Variants in HIPK3 observed in about 807,000 individuals in gnomAD.
HIPK3 encodes the protein homeodomain interacting protein kinase 3.
Under a neutral mutation model 124.2 loss-of-function variants are expected in HIPK3, and 47 were observed. The observed-to-expected ratio is 0.38, with a 90% CI of 0.30 to 0.48. The LOEUF is 0.48. Among genes scored for constraint, HIPK3 ranks in the 20% least tolerant of loss-of-function variants. The pLI, the probability that HIPK3 is intolerant of heterozygous loss-of-function variation, is 0.98. For missense variants in HIPK3, 1,286 were observed against 1,454.3 expected (o/e 0.88, Z 1.88); for synonymous variants, 482 against 515.2 (o/e 0.94, Z 0.87).
chr11:33,328,775 G>A (rs1362106028), intron 3 of HIPK3, 142 bp downstream of exon 3: 8 of 655,926 alleles, frequency 1.2e-5, no homozygotes, highest in Non-Finnish European at 1.9e-5. Flanking sequence ...TTGTAGAATT[G>A]ATTTTGAAAA....
chr11:33,348,122 G>T (rs1387904376), intron 11 of HIPK3, 44 bp from the exon 12 acceptor site: 1 of 1,608,964 alleles, frequency 6.2e-7, no homozygotes, highest in Non-Finnish European at 8.5e-7. Flanking sequence ...CTCTTTTATA[G>T]CTTTGTTACA....
In HIPK3 at chr11:33,338,814, A is replaced by G. The variant is rs533124606; in HGVS notation, c.1399A>G (p.Ile467Val). Reference protein sequence around the residue: ...GMKSKEARKYIFNSLDDVAHV... With the variant: ...GMKSKEARKYVFNSLDDVAHV... ...GAAGTCTAAAGAAGCCAGAAAATAC[A>G]TTTTCAACAGTCTGGATGATGTAGC... The change falls in exon 5 of 17, where the codon ATT (isoleucine) becomes GTT (valine). Residue 467 changes from isoleucine to valine, a missense_variant. Physicochemically the swap from Ile to Val is conservative, Grantham distance 29 (BLOSUM62 3). This residue lies in a region of HIPK3 where 251 missense variants were observed against 349.1 expected (regional missense o/e 0.72). Coordinates refer to ENST00000303296, the MANE Select transcript of HIPK3 (RefSeq NM_005734.5). 49 of 1,612,890 alleles carry G rather than the reference A, an allele frequency of 3.0e-5. 1 individual carries two copies. In the South Asian group the frequency reaches 5.2e-4, roughly 17 times the overall value.
At chr11:33,302,922 A>G (rs1480200658) in intron 2 of HIPK3, among the ~76,000 whole-genome samples, 2 of 152,208 alleles carry the variant, frequency 1.3e-5, no homozygotes. Flanking sequence ...AAAGAATACT[A>G]GTTAGGCATA....
intron 2 of HIPK3, among the ~76,000 whole-genome samples, chr11:33,298,739 G>T (rs1021802496): frequency 9.9e-5 from 15 of 152,228 alleles, no homozygotes; most frequent in Non-Finnish European, 1.5e-5. Flanking sequence ...AATAGCAAGA[G>T]AACTATTAGT....
intron 1 of HIPK3, among the ~76,000 whole-genome samples, chr11:33,267,270 G>A (rs1014166786): frequency 3.3e-5 from 5 of 151,412 alleles, no homozygotes; most frequent in Admixed American, 6.6e-5. Context: ...CTGCCACCAC[G>A]CCCGGCTAAT....
At chr11:33,302,503 A>C (rs190874151) in intron 2 of HIPK3, among the ~76,000 whole-genome samples, 4 of 152,006 alleles carry the variant, frequency 2.6e-5, no homozygotes, top group Non-Finnish European at 4.4e-5. Flanking sequence ...CACCTGGCTA[A>C]TTTTTGTATT....
chr11:33,351,954 C>T lies in HIPK3; in HGVS notation c.3043+111C>T, dbSNP rs1787733289. The T allele has an allele frequency of 3.8e-6, 4 of 1,044,468 alleles. No individual in the cohort carries two copies. The South Asian group carries it at 4.5e-5, about 12-fold the overall frequency. 64.7% of individuals were successfully genotyped at this position (1,044,468 alleles called of 1,614,324 possible). On this transcript the variant is annotated intron_variant, in intron 15 of 16. Transcript: ENST00000303296. ...TCTCTGAATTTTGACTTGACCCTGCCTTATGTATTGTACAGAGGAAATCTT... is the reference window on the plus strand; with the variant it reads ...TCTCTGAATTTTGACTTGACCCTGCTTTATGTATTGTACAGAGGAAATCTT...
intron 2 of HIPK3, among the ~76,000 whole-genome samples, chr11:33,322,129 A>G (rs1852681959): frequency 6.6e-6 from 1 of 152,092 alleles, no homozygotes; most frequent in African/African-American, 2.4e-5. Flanking sequence ...CCTCCCGAGT[A>G]GCTGGGACTA....
chr11:33,305,667 G>C (rs1852135566), intron 2 of HIPK3, among the ~76,000 whole-genome samples: 4 of 152,040 alleles, frequency 2.6e-5, no homozygotes, highest in Admixed American at 2.6e-4. Context: ...CCTTCTCCAA[G>C]GATTTTCTCT....
chr11:33,288,905 A>G (rs1411071944), intron 2 of HIPK3, among the ~76,000 whole-genome samples: 2 of 152,198 alleles, frequency 1.3e-5, no homozygotes, highest in South Asian at 2.1e-4. Flanking sequence ...CATGCAGTTT[A>G]TTGTTAGAAA....
intron 3 of HIPK3, among the ~76,000 whole-genome samples, chr11:33,332,782 C>T (rs1853025888): frequency 6.6e-6 from 1 of 152,010 alleles, no homozygotes; most frequent in South Asian, 2.1e-4. Flanking sequence ...TGTATTAGGC[C>T]ATTTGCATTG....
Position 33,264,159 on chromosome 11 carries a change from C to CT in HIPK3, c.-3+6282dup, listed in dbSNP as rs879609930. ...GCATTTTCTTCGCTGCTAACCTTGT[C>CT]TTTTTTTTTTTTAAACAAAAAGGTC... On this transcript the variant is annotated intron_variant, in intron 1 of 16. Coordinates refer to ENST00000303296, the MANE Select transcript of HIPK3 (RefSeq NM_005734.5). Among the ~76,000 whole-genome samples the CT allele has an allele frequency of 1.7e-3, 247 of 144,062 alleles. 1 individual carries two copies. Among genetic ancestry groups the CT allele is most frequent in the African/African-American group, 4.2e-3 (167 of 39,478 alleles). The allele number at this position is 144,062 out of a possible 152,430, so 94.5% of individuals were successfully genotyped here. A position where few individuals can be genotyped will look rare whatever the true frequency, so the allele number is the denominator to read the frequency against.
rs542636720 is a variant in HIPK3 at position 33,279,277 on chromosome 11, TGCACTCCA to T, written c.-2-7125_-2-7118del. Among the ~76,000 whole-genome samples, 261 of 137,706 alleles carry T rather than the reference TGCACTCCA, an allele frequency of 1.9e-3. 1 individual carries two copies. The highest frequency in any genetic ancestry group is 6.2e-3 in the Admixed American group (74 of 12,022). The allele number at this position is 137,706 out of a possible 152,430, so 90.3% of individuals were successfully genotyped here. On this transcript the variant is annotated intron_variant, in intron 1 of 16. Coordinates refer to ENST00000303296, the MANE Select transcript of HIPK3 (RefSeq NM_005734.5). ...TTGCAGTGAGCTGTGATCACGCTAC[TGCACTCCA>T]GCACTCCAGCGCAGGCAACAGAGGG... is the stretch of plus-strand genomic sequence containing the variant.
In HIPK3 at chr11:33,351,361, G is replaced by GA. The variant is rs761305660; in HGVS notation, c.2808-237dup. Among the ~76,000 whole-genome samples, 78 of 145,532 alleles carry GA rather than the reference G, an allele frequency of 5.4e-4. No individual in the cohort carries two copies. In the East Asian group the frequency reaches 7.6e-3, roughly 14 times the overall value. ...AAGGATCAAATGGGAAGGGAAAGAA[G>GA]AAAAAAAAAATGCCAAAATGATGTT... On this transcript the variant is annotated intron_variant, in intron 14 of 16. Coordinates refer to ENST00000303296, the MANE Select transcript of HIPK3 (RefSeq NM_005734.5).
intron 2 of HIPK3, among the ~76,000 whole-genome samples, chr11:33,289,442 G>GA (rs113928623): frequency 1.8e-4 from 27 of 149,760 alleles, no homozygotes; most frequent in African/African-American, 4.7e-4. Context: ...GAGACCCTCT[G>GA]AAAAAAAAAT....
intron 3 of HIPK3, among the ~76,000 whole-genome samples, chr11:33,329,493 G>T (rs1230514548): frequency 6.6e-6 from 1 of 151,952 alleles, no homozygotes; most frequent in Admixed American, 6.6e-5. Context: ...TGTATTTTAG[G>T]GCTATTTTCT....
intron 2 of HIPK3, among the ~76,000 whole-genome samples, chr11:33,297,824 C>G (rs921374167): frequency 1.7e-5 from 2 of 118,092 alleles, no homozygotes; most frequent in African/African-American, 6.4e-5. Flanking sequence ...GAGTCTTGCT[C>G]TGTCACCCAG....
At chr11:33,324,925 T>C (rs1404215361) in intron 2 of HIPK3, among the ~76,000 whole-genome samples, 2 of 152,248 alleles carry the variant, frequency 1.3e-5, no homozygotes, top group Admixed American at 1.3e-4. Flanking sequence ...TTCTGGTGTA[T>C]CTAATTTGCT....
intron 1 of HIPK3, among the ~76,000 whole-genome samples, chr11:33,280,424 T>C (rs1285984727): frequency 6.6e-6 from 1 of 152,198 alleles, no homozygotes; most frequent in East Asian, 1.9e-4. Context: ...AAAGAGTTAA[T>C]ACCTGGATAT....
Sources: allele counts gnomAD v4.1 joint callset (sites outside exome capture counted in the v4.1 genomes callset), GRCh38; gene constraint gnomAD v4.1.1; regional missense constraint gnomAD v4.1.1; transcripts MANE v1.5; gene names NCBI Gene and HGNC (gene_info 2026-07-23, HGNC 2026-07-21).